The following PTPRD variants were observed in gnomAD, a reference collection of about 807,000 sequenced individuals.
PTPRD encodes protein tyrosine phosphatase receptor type D.
PTPRD carries 34 observed loss-of-function variants against 214.5 expected under a neutral mutation model. That is an observed-to-expected ratio of 0.16 (90% confidence interval 0.12 to 0.21). The LOEUF is 0.21. Among genes scored for constraint, PTPRD ranks in the 10% least tolerant of loss-of-function variants. The pLI is 1.00. For missense variants in PTPRD, 2,545 were observed against 2,398.7 expected, an observed-to-expected ratio of 1.06 and a Z score of -1.27; for synonymous variants, 1,128 against 845.7, an observed-to-expected ratio of 1.33 and a Z score of -5.79.
intron 3 of PTPRD, among the ~76,000 whole-genome samples, chr9:10,039,351 A>T (rs776785947): frequency 1.1e-4 from 16 of 152,040 alleles, no homozygotes; most frequent in Non-Finnish European, 2.4e-4. Context: ...CCTATAGCCA[A>T]TTATTTGAAT....
intron 6 of PTPRD, among the ~76,000 whole-genome samples, chr9:9,764,793 T>C (rs2098692847): frequency 6.6e-6 from 1 of 152,062 alleles, no homozygotes; most frequent in African/African-American, 2.4e-5. Context: ...CCCAGGAAGG[T>C]CCAATTTCAA....
At chr9:9,322,674 G>C (rs558286954) in intron 9 of PTPRD, among the ~76,000 whole-genome samples, 4 of 152,274 alleles carry the variant, frequency 2.6e-5, no homozygotes, top group African/African-American at 7.2e-5. Context: ...TCAGTGCAAT[G>C]CTACAGGAAC....
chr9:9,903,000 T>G (rs1054331906), intron 5 of PTPRD, among the ~76,000 whole-genome samples: 4 of 152,164 alleles, frequency 2.6e-5, no homozygotes, highest in African/African-American at 7.2e-5. Context: ...TTAAGGGAGT[T>G]TTACCTGAGT....
chr9:9,521,797 A>C (rs1327834123), intron 8 of PTPRD, among the ~76,000 whole-genome samples: 1 of 152,122 alleles, frequency 6.6e-6, no homozygotes, highest in African/African-American at 2.4e-5. Flanking sequence ...TGTGGTACTA[A>C]TTGCACTGCA....
chr9:8,947,578 C>T (rs2099073923), intron 11 of PTPRD, among the ~76,000 whole-genome samples: 1 of 151,776 alleles, frequency 6.6e-6, no homozygotes, highest in South Asian at 2.1e-4. Context: ...TCCTATGTTT[C>T]AAGGACATTC....
intron 5 of PTPRD, among the ~76,000 whole-genome samples, chr9:9,814,795 C>CTTTT (rs34270280): frequency 2.8e-5 from 3 of 106,384 alleles, no homozygotes; most frequent in Non-Finnish European, 5.4e-5. Context: ...ACCAAAGTGA[C>CTTTT]TTTTTTTTTT....
At chr9:8,692,433 G>C (rs946629607) in intron 12 of PTPRD, among the ~76,000 whole-genome samples, 4 of 152,238 alleles carry the variant, frequency 2.6e-5, no homozygotes, top group Admixed American at 1.3e-4. Flanking sequence ...GCTTAGCCTA[G>C]AGGTGGCACC....
intron 8 of PTPRD, among the ~76,000 whole-genome samples, chr9:9,422,004 A>C (rs1235512298): frequency 6.6e-6 from 1 of 152,150 alleles, no homozygotes; most frequent in African/African-American, 2.4e-5. Context: ...AAAAACAAAA[A>C]AACAGTAAAG....
intron 8 of PTPRD, among the ~76,000 whole-genome samples, chr9:9,501,624 C>T (rs1241585379): frequency 6.6e-6 from 1 of 151,710 alleles, no homozygotes; most frequent in Non-Finnish European, 1.5e-5. Flanking sequence ...TTTCCAAGTG[C>T]GTATGAAATA....
intron 5 of PTPRD, among the ~76,000 whole-genome samples, chr9:9,852,570 A>G (rs1483517991): frequency 6.6e-6 from 1 of 152,138 alleles, no homozygotes; most frequent in East Asian, 1.9e-4. Context: ...TTAATTATAT[A>G]AAAACTAGAT....
At chr9:8,740,998 G>T (rs2091775377) in intron 11 of PTPRD, among the ~76,000 whole-genome samples, 1 of 151,998 alleles carries the variant, frequency 6.6e-6, no homozygotes, top group Non-Finnish European at 1.5e-5. Context: ...AAAGTCAATA[G>T]CTATTATTCT....
chr9:9,660,978 A>G (rs574053045), intron 7 of PTPRD, among the ~76,000 whole-genome samples: 73 of 152,110 alleles, frequency 4.8e-4, no homozygotes, highest in African/African-American at 1.6e-3. Flanking sequence ...GCAGCTTCAT[A>G]TGGAAATAAC....
At chr9:8,628,486 G>T (rs1044032178) in intron 14 of PTPRD, among the ~76,000 whole-genome samples, 1 of 151,678 alleles carries the variant, frequency 6.6e-6, no homozygotes, top group African/African-American at 2.4e-5. Context: ...CCTTCAGGGA[G>T]CAAATTTTTT....
intron 9 of PTPRD, among the ~76,000 whole-genome samples, chr9:9,244,800 C>G (rs940507447): frequency 2.0e-5 from 3 of 152,092 alleles, no homozygotes; most frequent in African/African-American, 7.2e-5. Context: ...TCTCATTAAA[C>G]TAAAGAGCTT....
intron 4 of PTPRD, among the ~76,000 whole-genome samples, chr9:9,970,597 T>G (rs186187043): frequency 2.0e-4 from 30 of 152,210 alleles, no homozygotes; most frequent in African/African-American, 5.8e-4. Flanking sequence ...GCAGACAAGC[T>G]AAAAATCTTA....
chr9:10,081,596 G>A (rs1279531592), intron 3 of PTPRD, among the ~76,000 whole-genome samples: 2 of 152,060 alleles, frequency 1.3e-5, no homozygotes, highest in African/African-American at 4.8e-5. Context: ...CCATGCTAGG[G>A]CCCTGATCTG....
At chr9:10,069,140 G>C (rs184469549) in intron 3 of PTPRD, among the ~76,000 whole-genome samples, 12 of 152,016 alleles carry the variant, frequency 7.9e-5, no homozygotes, top group African/African-American at 2.2e-4. Context: ...GCCTATCCCT[G>C]TGGCATTGTG....
At chr9:8,788,779 GA>G (rs1276765882) in intron 11 of PTPRD, among the ~76,000 whole-genome samples, 1 of 151,854 alleles carries the variant, frequency 6.6e-6, no homozygotes, top group Admixed American at 6.6e-5. Flanking sequence ...ACCCACTTCC[GA>G]AGAACAGAAT....
chr9:9,776,156 C>T (rs2098797303), intron 5 of PTPRD, among the ~76,000 whole-genome samples: 1 of 152,106 alleles, frequency 6.6e-6, no homozygotes. Context: ...AACTAAACCA[C>T]TTGCTGTCCA....
Sources: allele counts gnomAD v4.1 joint callset (sites outside exome capture counted in the v4.1 genomes callset), GRCh38; gene constraint gnomAD v4.1.1; transcripts MANE v1.5; gene names NCBI Gene and HGNC (gene_info 2026-07-23, HGNC 2026-07-21).